Variants in TRAF5 observed in about 807,000 individuals in gnomAD.
TRAF5 encodes the protein TNF receptor associated factor 5, also known as TNF receptor-associated factor 5.
In TRAF5, 48 loss-of-function variants were observed where a neutral mutation model predicts 64.5. The observed-to-expected ratio is 0.74, with a 90% CI of 0.59 to 0.95. The LOEUF (loss-of-function observed/expected upper bound fraction) is 0.95, where lower values mean the gene tolerates loss of function less well. Ranked by LOEUF, TRAF5 falls within the 40% of genes least tolerant of loss-of-function variation. The pLI, the probability that TRAF5 is intolerant of heterozygous loss-of-function variation, is 0.00. For missense variants in TRAF5, 545 were observed against 662.8 expected (o/e 0.82, Z 1.95); for synonymous variants, 206 against 240.5 (o/e 0.86, Z 1.33).
At chr1:211,360,108 A>T (rs1254623489) in intron 5 of TRAF5, 32 bp downstream of exon 5, 2 of 1,601,828 alleles carry the variant, frequency 1.2e-6, no homozygotes, top group East Asian at 4.5e-5. Flanking sequence ...AGTCATCTTT[A>T]TGGAGCTAAA....
At position 211,372,120 on chromosome 1, in the gene TRAF5, A is replaced by AT; in HGVS notation, c.1100-5dup. 1.5e-6 allele frequency: 2 copies of AT among 1,321,368 alleles called. No homozygotes were observed. Among genetic ancestry groups the AT allele is most frequent in the Non-Finnish European group, 1.9e-6 (2 of 1,028,232 alleles). The allele number at this position is 1,321,368 out of a possible 1,614,324, so 81.9% of individuals were successfully genotyped here. A position where few individuals can be genotyped will look rare whatever the true frequency, so the allele number is the denominator to read the frequency against. ...GGAATCTTTTTTTTTTTTTTTTCTT[A>AT]TTTGCAGCCGTTTTAGAAGAGGAAA... On this transcript the variant is annotated splice_region_variant and splice_polypyrimidine_tract_variant and intron_variant, in intron 10 of 10. Coordinates refer to ENST00000261464, the MANE Select transcript of TRAF5 (RefSeq NM_001033910.3).
intron 6 of TRAF5, 25 bp from the exon 7 acceptor site, chr1:211,361,063 T>C (rs760253888): frequency 1.9e-6 from 3 of 1,610,410 alleles, no homozygotes; most frequent in African/African-American, 2.7e-5. Context: ...TGAATTTCTA[T>C]AGCTTGTGAC....
rs1006500608 is a variant in TRAF5 at position 211,373,491 on chromosome 1, T to G, written c.*789T>G. ...AGCAGTTTCATAAGATTCAACCAAATAAATATATATATACACACACACATA... is the reference window on the plus strand; with the variant it reads ...AGCAGTTTCATAAGATTCAACCAAAGAAATATATATATACACACACACATA... On this transcript the variant is annotated 3_prime_UTR_variant, in exon 11 of 11. Coordinates refer to ENST00000261464, the MANE Select transcript of TRAF5 (RefSeq NM_001033910.3). The G allele has an allele frequency of 1.3e-5, 2 of 152,026 alleles. No individual in the cohort carries two copies. Among genetic ancestry groups the G allele is most frequent in the Admixed American group, 1.3e-4 (2 of 15,234 alleles). The allele number at this position is 152,026 out of a possible 1,614,324, so 9.4% of individuals were successfully genotyped here.
At chr1:211,335,880 C>T (rs180939047) in intron 1 of TRAF5, among the ~76,000 whole-genome samples, 36 of 152,218 alleles carry the variant, frequency 2.4e-4, no homozygotes, top group Admixed American at 9.8e-4. Context: ...TCACCTCTGC[C>T]GCCACCCTGG....
intron 2 of TRAF5, among the ~76,000 whole-genome samples, chr1:211,353,932 G>T (rs566198951): frequency 6.6e-6 from 1 of 152,308 alleles, no homozygotes; most frequent in East Asian, 1.9e-4. Flanking sequence ...GGTACACTTT[G>T]GGGGGTTATA....
At position 211,372,559 on chromosome 1, in the gene TRAF5, C is replaced by A; in HGVS notation, c.1531C>A (p.Pro511Thr). 11 of 1,614,154 alleles carry A rather than the reference C, an allele frequency of 6.8e-6. No homozygotes were observed. Among genetic ancestry groups the A allele is most frequent in the Non-Finnish European group, 9.3e-6 (11 of 1,180,020 alleles). Residue 511 changes from proline (P) to threonine (T), a missense_variant, in exon 11 of 11, where the codon CCT becomes ACT. Transcript: ENST00000261464. ...CCCCAATAGCAGCAGCTTTAAAAGACCTGATGGGGAGATGAACATTGCATC... is the reference window on the plus strand; with the variant it reads ...CCCCAATAGCAGCAGCTTTAAAAGAACTGATGGGGAGATGAACATTGCATC... ...PDPNSSSFKR[P>T]DGEMNIASGC... is the part of the protein sequence containing the mutation.
intron 1 of TRAF5, among the ~76,000 whole-genome samples, chr1:211,349,585 T>A (rs1702718662): frequency 6.6e-6 from 1 of 152,122 alleles, no homozygotes; most frequent in South Asian, 2.1e-4. Flanking sequence ...GGACCTTAGG[T>A]TTCAATATAC....
chr1:211,331,334 G>A (rs746204712), intron 1 of TRAF5, among the ~76,000 whole-genome samples: 9 of 152,210 alleles, frequency 5.9e-5, no homozygotes, highest in Non-Finnish European at 1.3e-4. Context: ...AGAATCTGGT[G>A]GGCCTGGGTT....
chr1:211,346,007 G>T (rs1259715414), intron 1 of TRAF5, among the ~76,000 whole-genome samples: 1 of 152,228 alleles, frequency 6.6e-6, no homozygotes, highest in East Asian at 1.9e-4. Flanking sequence ...GGGCAAACAG[G>T]CAAATGACTG....
chr1:211,338,863 A>T (rs1702374242), intron 1 of TRAF5, among the ~76,000 whole-genome samples: 3 of 152,170 alleles, frequency 2.0e-5, no homozygotes, highest in Non-Finnish European at 4.4e-5. Flanking sequence ...GAGCTCAGAC[A>T]ATCCGCCTGC....
intron 4 of TRAF5, chr1:211,359,132 GGA>G (rs1405208987): frequency 6.6e-6 from 1 of 151,826 alleles, no homozygotes; most frequent in Non-Finnish European, 1.5e-5. Flanking sequence ...AAAAAATTGT[GGA>G]GACAAGGTAT....
At position 211,363,005 on chromosome 1, in the gene TRAF5, TGTAAGAA is replaced by T. The variant is rs777449814; in HGVS notation, c.696+1844_696+1850del. 6.7e-3 allele frequency among the ~76,000 whole-genome samples: 1,015 copies of T among 150,584 alleles called. 7 individuals carry two copies. Among genetic ancestry groups the T allele is most frequent in the Middle Eastern group, 0.019 (5 of 264 alleles). ...GAAAAAAATTCATTTGGCTGATAAA[TGTAAGAA>T]AAGATGCTCAGTTTCACTCCTAAAT... On this transcript the variant is annotated intron_variant, in intron 7 of 10. Transcript: ENST00000261464.
chr1:211,335,052 G>A (rs1415535824), intron 1 of TRAF5, among the ~76,000 whole-genome samples: 2 of 152,114 alleles, frequency 1.3e-5, no homozygotes, highest in Non-Finnish European at 2.9e-5. Flanking sequence ...TTGCTTGTAG[G>A]TCTCAATGGT....
chr1:211,342,346 CCTA>C (rs756328705), intron 1 of TRAF5, among the ~76,000 whole-genome samples: 4 of 151,374 alleles, frequency 2.6e-5, no homozygotes, highest in Non-Finnish European at 5.9e-5. Context: ...TGTGATAAGT[CCTA>C]CTTTTTTATT....
chr1:211,348,910 T>C (rs1702696122), intron 1 of TRAF5, among the ~76,000 whole-genome samples: 2 of 151,896 alleles, frequency 1.3e-5, no homozygotes, highest in South Asian at 4.2e-4. Context: ...AAGAGTGTTA[T>C]CTTAGACCAG....
At chr1:211,359,651 C>T (rs1051434705) in intron 4 of TRAF5, 2 of 397,522 alleles carry the variant, frequency 5.0e-6, no homozygotes, top group Non-Finnish European at 9.1e-6. Flanking sequence ...CTTCCCTCTT[C>T]ACCTATCTTC....
intron 7 of TRAF5, among the ~76,000 whole-genome samples, chr1:211,362,093 C>G (rs1234257809): frequency 6.6e-6 from 1 of 152,046 alleles, no homozygotes; most frequent in Non-Finnish European, 1.5e-5. Context: ...TGGTGATATA[C>G]TCTTGTATAT....
intron 1 of TRAF5, among the ~76,000 whole-genome samples, chr1:211,333,275 G>A (rs1206186997): frequency 4.6e-5 from 7 of 152,062 alleles, no homozygotes; most frequent in South Asian, 2.1e-4. Flanking sequence ...TGCAACCTCC[G>A]CCTCCCGGGT....
chr1:211,369,691 A>G, intron 9 of TRAF5, 99 bp downstream of exon 9: 1 of 1,280,120 alleles, frequency 7.8e-7, no homozygotes, highest in Non-Finnish European at 1.1e-6. Flanking sequence ...TAAAATATAC[A>G]GAAAAGCTGT....
Sources: allele counts gnomAD v4.1 joint callset (sites outside exome capture counted in the v4.1 genomes callset), GRCh38; gene constraint gnomAD v4.1.1; transcripts MANE v1.5; gene names NCBI Gene and HGNC (gene_info 2026-07-23, HGNC 2026-07-21).